SIRT2: variants seen among roughly 807,000 people sequenced by gnomAD.
SIRT2 encodes the protein sirtuin 2.
In SIRT2, 40 loss-of-function variants were observed where a neutral mutation model predicts 57.4. That is an observed-to-expected ratio of 0.70 (90% CI 0.54 to 0.91). The LOEUF (loss-of-function observed/expected upper bound fraction) is 0.91, where lower values mean the gene tolerates loss of function less well. Among genes scored for constraint, SIRT2 ranks in the 40% least tolerant of loss-of-function variants. SIRT2 has a pLI of 0.00. For missense variants in SIRT2, 439 were observed against 510.4 expected, an observed-to-expected ratio of 0.86 and a Z score of 1.35; for synonymous variants, 161 against 195.7, an observed-to-expected ratio of 0.82 and a Z score of 1.48.
intron 8 of SIRT2, among the ~76,000 whole-genome samples, chr19:38,884,284 T>C (rs543087918): frequency 6.6e-6 from 1 of 152,194 alleles, no homozygotes; most frequent in Non-Finnish European, 1.5e-5. Context: ...CTGTCATTAA[T>C]TGCTGAAATT....
rs1454393256 is a variant in SIRT2, at chr19:38,880,446, C to T, written c.876+239G>A. On this transcript the variant is annotated intron_variant, in intron 13 of 15. Coordinates refer to ENST00000249396, the MANE Select transcript of SIRT2 (RefSeq NM_012237.4). The surrounding 1 kb of genome is among the most constrained non-coding windows in gnomAD (Gnocchi z 4.1). ...GCACCCCCTCCCACCTCCTCAGTCC[C>T]TGGAAGCCCGGCCTTCCTATCTGGC... 2.1e-6 allele frequency: 1 copy of T among 475,096 alleles called. No individual in the cohort carries two copies. The highest frequency in any genetic ancestry group is 2.0e-5 in the African/African-American group (1 of 50,684). 29.4% of individuals were successfully genotyped at this position (475,096 alleles called of 1,614,324 possible). A position where few individuals can be genotyped will look rare whatever the true frequency, so the allele number is the denominator to read the frequency against.
chr19:38,887,634 A>G (rs1422149090), intron 8 of SIRT2, among the ~76,000 whole-genome samples: 2 of 152,124 alleles, frequency 1.3e-5, no homozygotes, highest in Non-Finnish European at 2.9e-5. Context: ...AGAAATCTGA[A>G]CTTAAAGCCA....
At chr19:38,886,457 T>C (rs1477378542) in intron 8 of SIRT2, among the ~76,000 whole-genome samples, 1 of 151,948 alleles carries the variant, frequency 6.6e-6, no homozygotes, top group African/African-American at 2.4e-5. Context: ...ACATGGTTTT[T>C]TTTTTTTTTT....
chr19:38,879,916 C>T, intron 13 of SIRT2: 1 of 558,310 alleles, frequency 1.8e-6, no homozygotes, highest in Admixed American at 3.1e-5. Flanking sequence ...ACCTCCACCT[C>T]CTGGGTTCAA....
At chr19:38,885,576 G>C (rs919217634) in intron 8 of SIRT2, among the ~76,000 whole-genome samples, 1 of 148,342 alleles carries the variant, frequency 6.7e-6, no homozygotes, top group African/African-American at 2.5e-5. Flanking sequence ...ACAGGCACCC[G>C]CCACCATGCG....
At chr19:38,889,793 G>A in intron 6 of SIRT2, 48 bp from the exon 7 acceptor site, 1 of 1,613,864 alleles carries the variant, frequency 6.2e-7, no homozygotes, top group South Asian at 1.1e-5. Context: ...TAGCGTGAGG[G>A]TTGGAGCCAG....
chr19:38,893,996 A>G (rs1973635991), intron 2 of SIRT2, 129 bp from the exon 3 acceptor site: 1 of 1,530,296 alleles, frequency 6.5e-7, no homozygotes, highest in African/African-American at 1.4e-5. Context: ...GGTGGTGGAG[A>G]GACTGCACTG....
At chr19:38,892,860 G>A (rs1973588004) in intron 4 of SIRT2, among the ~76,000 whole-genome samples, 2 of 152,272 alleles carry the variant, frequency 1.3e-5, no homozygotes, top group South Asian at 4.1e-4. Flanking sequence ...TTACATACAT[G>A]AGCCACTGCC....
Position 38,880,693 on chromosome 19 carries a change from C to G in SIRT2, c.868G>C (p.Ala290Pro), listed in dbSNP as rs145405290. ...TGAAGAAGGGCTCTTACCTGGCCAGCTTTCTCCTTGTTGATGAGCAGGCGA... is the reference window on the plus strand; with the variant it reads ...TGAAGAAGGGCTCTTACCTGGCCAGGTTTCTCCTTGTTGATGAGCAGGCGA... ...TPRLLINKEK[A>P]GQSDPFLGMI... The change falls in exon 13 of 16, where the codon GCT becomes CCT. Residue 290 changes from alanine to proline, a missense_variant. Physicochemically the swap from Ala to Pro is conservative, Grantham distance 27. Transcript: ENST00000249396. The surrounding 1 kb of genome is among the most constrained non-coding windows in gnomAD (Gnocchi z 4.1). 3 of 1,572,138 alleles carry G rather than the reference C, an allele frequency of 1.9e-6. No individual in the cohort carries two copies. The highest frequency in any genetic ancestry group is 1.7e-6 in the Non-Finnish European group (2 of 1,156,476).
Position 38,879,346 on chromosome 19 carries a change from T to G in SIRT2, c.1015-36A>C, listed in dbSNP as rs45570431. On this transcript the variant is annotated intron_variant, in intron 15 of 15. Coordinates refer to ENST00000249396, the MANE Select transcript of SIRT2 (RefSeq NM_012237.4). ...AAAGGTCACAGAAGTCAAAGGTCAC[T>G]GTGCATCATGGGGTCAGAGGACCCA... The G allele has an allele frequency of 4.2e-3, 6,822 of 1,611,590 alleles. 34 individuals are homozygous for G. Among genetic ancestry groups the G allele is most frequent in the South Asian group, 0.011 (999 of 90,762 alleles).
intron 8 of SIRT2, among the ~76,000 whole-genome samples, chr19:38,887,094 C>T (rs918122918): frequency 3.3e-5 from 5 of 152,020 alleles, no homozygotes; most frequent in East Asian, 1.9e-4. Context: ...TGTGCCACCA[C>T]GCCTGGCTAA....
intron 7 of SIRT2, 58 bp from the exon 8 acceptor site, chr19:38,889,213 C>T: frequency 6.6e-7 from 1 of 1,508,368 alleles, no homozygotes; most frequent in Non-Finnish European, 9.2e-7. Context: ...CAGGCCACTG[C>T]CGCATGCCAG....
At position 38,879,448 on chromosome 19, in the gene SIRT2, G is replaced by T; in HGVS notation, c.1000C>A (p.Leu334Ile). 6.3e-7 allele frequency: 1 copy of T among 1,596,744 alleles called. No homozygotes were observed. The highest frequency in any genetic ancestry group is 1.7e-5 in the Admixed American group (1 of 57,202). ...CAGCTCCTCACCTTCCATCCAAGGAGCTCAGCAAGGGCCAGGCAGCCCTGG... is the reference window on the plus strand; with the variant it reads ...CAGCTCCTCACCTTCCATCCAAGGATCTCAGCAAGGGCCAGGCAGCCCTGG... ...CDQGCLALAE[L>I]LGWKKELEDL... Residue 334 changes from leucine to isoleucine, a missense_variant, in exon 15 of 16, where the codon CTC becomes ATC. Transcript: ENST00000249396.
chr19:38,889,515 C>G (rs1231024168), intron 7 of SIRT2, 174 bp downstream of exon 7: 5 of 721,344 alleles, frequency 6.9e-6, no homozygotes, highest in African/African-American at 5.3e-5. Flanking sequence ...ATCGGAGGCT[C>G]AAGGTCGTAA....
rs1973407622 is a variant in SIRT2, at chr19:38,888,323, C to A, written c.501+764G>T. Among the ~76,000 whole-genome samples, 4 of 152,202 alleles carry A rather than the reference C, an allele frequency of 2.6e-5. No homozygotes were observed. The South Asian group carries it at 8.3e-4, about 31-fold the overall frequency. ...GAGTAGCTGGGGCTACAGGCACACG[C>A]CACCCTGCCCAGCTAATTTTTGTAT... On this transcript the variant is annotated intron_variant, in intron 8 of 15. Transcript: ENST00000249396.
rs201164596 is a variant in SIRT2 at position 38,879,713 on chromosome 19, G to C, written c.877-11C>G. Reference sequence around the variant, plus strand: ...CAGGAAAGGGTCCGACTGTCAGGGAGGGGGTGGGTCAGGGGCAGGAGCAGG... The same window carrying C: ...CAGGAAAGGGTCCGACTGTCAGGGACGGGGTGGGTCAGGGGCAGGAGCAGG... On this transcript the variant is annotated splice_polypyrimidine_tract_variant and intron_variant, in intron 13 of 15. Transcript: ENST00000249396. 1.3e-5 allele frequency: 20 copies of C among 1,560,050 alleles called. No homozygotes were observed. Among genetic ancestry groups the C allele is most frequent in the Admixed American group, 1.9e-5 (1 of 52,140 alleles).
At chr19:38,893,309 A>C (rs925747562) in intron 4 of SIRT2, 105 bp downstream of exon 4, 8 of 740,278 alleles carry the variant, frequency 1.1e-5, no homozygotes, top group African/African-American at 1.0e-4. Context: ...GTTTCTTGCT[A>C]CTTATAAAGA....
chr19:38,881,030 C>A, intron 11 of SIRT2, 70 bp downstream of exon 11: 4 of 1,563,080 alleles, frequency 2.6e-6, no homozygotes, highest in Non-Finnish European at 3.5e-6. Flanking sequence ...AGGGCCCAGG[C>A]TGCCCCCATG....
chr19:38,894,491 A>G, intron 2 of SIRT2: 1 of 232,062 alleles, frequency 4.3e-6, no homozygotes, highest in South Asian at 5.6e-5. Context: ...GGGGCGGGGG[A>G]AGTGCTTGGT....
Sources: gnomAD v4.1 joint callset for allele counts (sites outside exome capture counted in the v4.1 genomes callset) on GRCh38, gnomAD v4.1.1 for gene constraint, Gnocchi (gnomAD v3.1) non-coding constraint, MANE v1.5 for transcripts, NCBI Gene and HGNC (gene_info 2026-07-23, HGNC 2026-07-21) for gene names.